ABCA4: variants seen among roughly 807,000 people sequenced by gnomAD.
ABCA4 encodes the protein retinal-specific phospholipid-transporting ATPase ABCA4.
ABCA4 carries 196 observed loss-of-function variants against 263.7 expected under a neutral mutation model. That is an observed-to-expected ratio of 0.74 (90% CI 0.66 to 0.84). The LOEUF is 0.84. Among genes scored for constraint, ABCA4 ranks in the 40% least tolerant of loss-of-function variants. ABCA4 has a pLI of 0.00. For synonymous variants in ABCA4, 1,133 were observed against 1,094.2 expected (o/e 1.04, Z -0.70); for missense variants, 2,792 against 2,855.1 (o/e 0.98, Z 0.50).
At chr1:94,049,601 C>G (rs1050353885) in intron 17 of ABCA4, among the ~76,000 whole-genome samples, 7 of 152,030 alleles carry the variant, frequency 4.6e-5, no homozygotes, top group African/African-American at 1.7e-4. Context: ...TCCAGCCTGG[C>G]CGACAGAGTG....
chr1:94,000,277 T>C (rs1452777067), intron 47 of ABCA4, among the ~76,000 whole-genome samples: 2 of 152,258 alleles, frequency 1.3e-5, no homozygotes, highest in African/African-American at 4.8e-5. Flanking sequence ...AGCTTTGGCA[T>C]GCAAACTCTT....
intron 9 of ABCA4, 92 bp from the exon 10 acceptor site, chr1:94,078,798 G>T: frequency 1.1e-6 from 1 of 898,742 alleles, no homozygotes. Flanking sequence ...CTATCACTTA[G>T]TGTTAGGGAA....
chr1:94,025,623 C>A (rs1412549384), intron 30 of ABCA4: 2 of 171,952 alleles, frequency 1.2e-5, no homozygotes, highest in East Asian at 2.9e-4. Context: ...CAGCTTTGTG[C>A]TTGGCTGTTC....
chr1:94,001,586 T>C (rs202105788), intron 45 of ABCA4: 6,398 of 623,972 alleles, frequency 0.01, 71 homozygotes, highest in Non-Finnish European at 0.013. Flanking sequence ...GGGCTGAACT[T>C]CCCGGCTGTG....
At chr1:94,001,600 C>T (rs1291511406) in intron 45 of ABCA4, 10 of 646,094 alleles carry the variant, frequency 1.5e-5, no homozygotes, top group Admixed American at 1.0e-4. Flanking sequence ...GGCTGTGAGC[C>T]GATGGCCCCA....
At chr1:94,023,320 A>C in intron 32 of ABCA4, 66 bp downstream of exon 32, 1 of 1,380,816 alleles carries the variant, frequency 7.2e-7, no homozygotes, top group African/African-American at 1.4e-5. Context: ...TGCCTTTTAA[A>C]AGTGTGCAAT....
At chr1:94,080,799 G>A in intron 7 of ABCA4, 81 bp from the exon 8 acceptor site, 5 of 1,584,186 alleles carry the variant, frequency 3.2e-6, no homozygotes, top group Non-Finnish European at 4.3e-6. Context: ...CCAACGTTTG[G>A]TTTGACTTCC....
At position 94,047,061 on chromosome 1, in the gene ABCA4, C is replaced by T. The variant is rs1302568799; in HGVS notation, c.2776G>A (p.Val926Ile). 1 of 1,614,104 alleles carries T rather than the reference C, an allele frequency of 6.2e-7. No homozygotes were observed. Among genetic ancestry groups the T allele is most frequent in the East Asian group, 2.2e-5 (1 of 44,878 alleles). Reference sequence around the variant, plus strand: ...AGATTCTTCACGCATACCCCAGGAACCCACCCTGGATGCTCACGTTCAAAG... The same window carrying T: ...AGATTCTTCACGCATACCCCAGGAATCCACCCTGGATGCTCACGTTCAAAG... ...SFFEREHPGW[V>I]PGVCVKNLVK... Residue 926 changes from valine (V) to isoleucine (I), a missense_variant, in exon 19 of 50, where the codon GTT becomes ATT. By Grantham distance (29) the Val-to-Ile change is conservative (BLOSUM62 3). Transcript: ENST00000370225.
rs992342766 is a variant in ABCA4 at position 94,044,847 on chromosome 1, G to A, written c.2919-103C>T. 13 of 1,572,448 alleles carry A rather than the reference G, an allele frequency of 8.3e-6. No homozygotes were observed. In the Admixed American group the frequency reaches 1.7e-4, roughly 20 times the overall value. ...TCAGTGAGAACTCTCACAGATTCCT[G>A]CCTGGGGCTGTCAGTCAAACTCAAA... On this transcript the variant is annotated intron_variant, in intron 19 of 49. Transcript: ENST00000370225.
Position 94,048,919 on chromosome 1 carries a change from C to G in ABCA4, c.2692G>C (p.Glu898Gln), listed in dbSNP as rs61749441. ...TCCTCCGTTTCCTCTGTTAGGGGCTCGGTCTTTTCCAGGGCTCTTTCTTCT... is the reference window on the plus strand; with the variant it reads ...TCCTCCGTTTCCTCTGTTAGGGGCTGGGTCTTTTCCAGGGCTCTTTCTTCT... Reference protein sequence around the residue: ...TREERALEKTEPLTEETEDPE... With the variant: ...TREERALEKTQPLTEETEDPE... Residue 898 changes from glutamate to glutamine, a missense_variant, in exon 18 of 50, where the codon GAG becomes CAG. Physicochemically the swap from Glu to Gln is conservative, Grantham distance 29 (BLOSUM62 2). Coordinates refer to ENST00000370225, the MANE Select transcript of ABCA4 (RefSeq NM_000350.3). 2.5e-6 allele frequency: 4 copies of G among 1,613,964 alleles called. No homozygotes were observed. The African/African-American group carries it at 5.3e-5, about 22-fold the overall frequency.
intron 11 of ABCA4, among the ~76,000 whole-genome samples, chr1:94,075,397 A>C (rs1201019140): frequency 6.6e-6 from 1 of 152,192 alleles, no homozygotes; most frequent in Non-Finnish European, 1.5e-5. Flanking sequence ...GGTCATTCTT[A>C]TCTTCAGACA....
chr1:94,041,893 C>T (rs368312554), intron 22 of ABCA4, among the ~76,000 whole-genome samples: 1 of 151,986 alleles, frequency 6.6e-6, no homozygotes, highest in Non-Finnish European at 1.5e-5. Context: ...GTCGGGAGAT[C>T]GAGACCATCC....
intron 36 of ABCA4, among the ~76,000 whole-genome samples, chr1:94,016,749 T>A (rs895526935): frequency 4.6e-5 from 7 of 152,126 alleles, no homozygotes; most frequent in Admixed American, 4.6e-4. Context: ...TGTGTGTACA[T>A]CCATATCTTC....
chr1:94,035,591 A>G (rs1200618227), intron 26 of ABCA4, among the ~76,000 whole-genome samples: 1 of 152,220 alleles, frequency 6.6e-6, no homozygotes, highest in South Asian at 2.1e-4. Flanking sequence ...CATAGAAAGG[A>G]AACACTCCAA....
intron 40 of ABCA4, among the ~76,000 whole-genome samples, chr1:94,009,842 T>C (rs923185713): frequency 5.3e-5 from 8 of 152,208 alleles, no homozygotes; most frequent in African/African-American, 1.9e-4. Context: ...CTAAAAGGTA[T>C]GGCCAAGGCT....
chr1:94,108,807 C>T (rs965329609), intron 3 of ABCA4, 91 bp from the exon 4 acceptor site: 118 of 1,464,192 alleles, frequency 8.1e-5, no homozygotes, highest in Non-Finnish European at 1.1e-4. Flanking sequence ...TTATCTCGCT[C>T]TGTCACCCAG....
rs144310835 is a variant in ABCA4 at position 94,098,885 on chromosome 1, C to A, written c.677G>T (p.Arg226Leu). 310 of 1,614,056 alleles carry A rather than the reference C, an allele frequency of 1.9e-4. 1 individual carries two copies. The African/African-American group carries it at 3.7e-3, about 19-fold the overall frequency. ...FSQRRGAKTV[R>L]YALCSLSQGT... ...CTGGGAGAGGGAGCACAGGGCATAG[C>A]GCACCGTCTTTGCCCCGCGTCTCTG... Residue 226 changes from arginine (R) to leucine (L), a missense_variant, in exon 6 of 50, where the codon CGC (arginine) becomes CTC (leucine). Physicochemically the swap from Arg to Leu is moderately radical, Grantham distance 102. Transcript: ENST00000370225.
At chr1:94,024,897 T>G (rs1486154553) in intron 31 of ABCA4, 57 bp downstream of exon 31, 17 of 1,394,450 alleles carry the variant, frequency 1.2e-5, no homozygotes, top group Non-Finnish European at 1.6e-5. Context: ...CTTCTGTCCC[T>G]AGTTAATATC....
chr1:94,100,835 C>G (rs1662266973), intron 5 of ABCA4, among the ~76,000 whole-genome samples: 2 of 152,298 alleles, frequency 1.3e-5, no homozygotes, highest in South Asian at 4.2e-4. Flanking sequence ...GGACAGCGCC[C>G]AGAGAGAACG....
Sources: gnomAD v4.1 joint callset for allele counts (sites outside exome capture counted in the v4.1 genomes callset) on GRCh38, gnomAD v4.1.1 for gene constraint, MANE v1.5 for transcripts, NCBI Gene and HGNC (gene_info 2026-07-23, HGNC 2026-07-21) for gene names.